The following TBK1 variants were observed in gnomAD, a reference collection of about 807,000 sequenced individuals.
TBK1 encodes the protein TANK binding kinase 1.
TBK1 carries 37 observed loss-of-function variants against 99.9 expected under a neutral mutation model. The observed-to-expected ratio is 0.37, with a 90% confidence interval of 0.28 to 0.49. The LOEUF (loss-of-function observed/expected upper bound fraction) is 0.49, where lower values mean the gene tolerates loss of function less well. Ranked by LOEUF, TBK1 falls within the 20% of genes least tolerant of loss-of-function variation. The pLI, the probability that TBK1 is intolerant of heterozygous loss-of-function variation, is 0.98. For synonymous variants in TBK1, 258 were observed against 279.8 expected (o/e 0.92, Z 0.78); for missense variants, 644 against 872.5 (o/e 0.74, Z 3.30).
chr12:64,455,779 ATTTGTTT>A (rs2040480318), intron 1 of TBK1, 54 bp from the exon 2 acceptor site: 1 of 829,540 alleles, frequency 1.2e-6, no homozygotes. Flanking sequence ...AACAGCTAAC[ATTTGTTT>A]CTTAGCTGTG....
At chr12:64,464,743 C>T (rs989357375) in intron 4 of TBK1, among the ~76,000 whole-genome samples, 21 of 151,884 alleles carry the variant, frequency 1.4e-4, no homozygotes, top group African/African-American at 5.1e-4. Context: ...GACAACTCAA[C>T]AATAAAAAGC....
In TBK1 at chr12:64,486,614, T is replaced by A. The variant is rs953965142; in HGVS notation, c.1340+597T>A. 3.4e-5 allele frequency among the ~76,000 whole-genome samples: 5 copies of A among 146,240 alleles called. No individual in the cohort carries two copies. In the South Asian group the frequency reaches 8.7e-4, roughly 25 times the overall value. On this transcript the variant is annotated intron_variant, in intron 11 of 20. Transcript: ENST00000331710. ...CACACCCAGCTAATTTTTTTTTTTT[T>A]AGTGATGGGGGGTCTAGTTATGTTG...
intron 4 of TBK1, among the ~76,000 whole-genome samples, chr12:64,466,466 T>C (rs551038297): frequency 6.6e-6 from 1 of 152,266 alleles, no homozygotes; most frequent in Non-Finnish European, 1.5e-5. Flanking sequence ...GTTTTACATA[T>C]TGAGTTCAGT....
chr12:64,472,254 A>C (rs1279742965), intron 5 of TBK1, among the ~76,000 whole-genome samples: 53 of 110,888 alleles, frequency 4.8e-4, no homozygotes, highest in Admixed American at 1.0e-3. Flanking sequence ...CATCTCCAGC[A>C]CCCCCCCACC....
At chr12:64,467,387 A>G (rs988950605) in intron 5 of TBK1, among the ~76,000 whole-genome samples, 2 of 152,196 alleles carry the variant, frequency 1.3e-5, no homozygotes. Context: ...AGCTTGTTAT[A>G]ATACTGTTTT....
intron 5 of TBK1, among the ~76,000 whole-genome samples, chr12:64,473,244 C>G (rs1359194457): frequency 2.6e-5 from 4 of 152,028 alleles, no homozygotes; most frequent in Non-Finnish European, 5.9e-5. Context: ...GCTCAGGGCC[C>G]AAGGTAGTTT....
chr12:64,455,715 G>T, intron 1 of TBK1, 125 bp from the exon 2 acceptor site: 1 of 606,986 alleles, frequency 1.6e-6, no homozygotes. Flanking sequence ...ATATTGAACT[G>T]TTTATACACT....
At chr12:64,478,163 G>GT (rs2040734266) in intron 6 of TBK1, among the ~76,000 whole-genome samples, 1 of 151,886 alleles carries the variant, frequency 6.6e-6, no homozygotes. Context: ...TGTTTGTTTT[G>GT]TTTTTTTGAG....
intron 3 of TBK1, 68 bp from the exon 4 acceptor site, chr12:64,464,265 GA>G (rs1265374510): frequency 3.1e-6 from 4 of 1,290,632 alleles, no homozygotes; most frequent in Non-Finnish European, 4.2e-6. Flanking sequence ...AATGAAATCA[GA>G]TAAGTACTGG....
chr12:64,459,236 G>A (rs1196874795), intron 2 of TBK1, among the ~76,000 whole-genome samples: 2 of 152,164 alleles, frequency 1.3e-5, no homozygotes, highest in Non-Finnish European at 2.9e-5. Flanking sequence ...TTGGATAAAT[G>A]GGGGAAAATG....
At chr12:64,497,615 T>TG (rs57408363) in intron 18 of TBK1, 33 bp from the exon 19 acceptor site, 11 of 1,334,552 alleles carry the variant, frequency 8.2e-6, no homozygotes, top group Non-Finnish European at 8.2e-6. Flanking sequence ...AATGTGGGGT[T>TG]TTTTTCTTTT....
At chr12:64,454,890 G>A (rs993760367) in intron 1 of TBK1, among the ~76,000 whole-genome samples, 5 of 150,812 alleles carry the variant, frequency 3.3e-5, no homozygotes, top group Non-Finnish European at 5.9e-5. Flanking sequence ...TGTTATCCAG[G>A]ATGGTCTCAA....
At chr12:64,479,618 T>C (rs1417376104) in intron 6 of TBK1, among the ~76,000 whole-genome samples, 4 of 152,210 alleles carry the variant, frequency 2.6e-5, no homozygotes, top group African/African-American at 9.7e-5. Context: ...GAAACTTTAG[T>C]TGTGCCTTTG....
At chr12:64,495,244 C>A in intron 13 of TBK1, 1 of 339,756 alleles carries the variant, frequency 2.9e-6, no homozygotes, top group Admixed American at 4.6e-5. Context: ...AGGGTGTTTA[C>A]TGAATGAACT....
rs1038465700 is a variant in TBK1 at position 64,463,166 on chromosome 12, T to C, written c.229-1168T>C. Among the ~76,000 whole-genome samples the C allele has an allele frequency of 8.6e-5, 13 of 150,538 alleles. No individual in the cohort carries two copies. In the South Asian group the frequency reaches 1.3e-3, roughly 15 times the overall value. On this transcript the variant is annotated intron_variant, in intron 3 of 20. Coordinates refer to ENST00000331710, the MANE Select transcript of TBK1 (RefSeq NM_013254.4). The stretch of plus-strand genomic sequence containing the variant: ...GTGGGCGGATCACGAGGTCAGGAGA[T>C]CGAGACCATCCTGGCTAACATGGTG...
intron 3 of TBK1, among the ~76,000 whole-genome samples, chr12:64,463,002 A>G (rs2040562697): frequency 2.6e-5 from 4 of 152,192 alleles, no homozygotes. Flanking sequence ...CATTCCTTGA[A>G]GTAACAGTAG....
intron 6 of TBK1, among the ~76,000 whole-genome samples, chr12:64,476,183 A>T (rs1592363879): frequency 1.0e-5 from 1 of 96,790 alleles, no homozygotes; most frequent in Admixed American, 1.6e-4. Context: ...TTTGAGATGG[A>T]GTCTCGCTCT....
At chr12:64,495,818 A>G (rs1195881001) in intron 15 of TBK1, 43 bp downstream of exon 15, 8 of 1,419,316 alleles carry the variant, frequency 5.6e-6, no homozygotes, top group Non-Finnish European at 7.6e-6. Context: ...AATCCCTCTT[A>G]GTAATTAGTT....
intron 13 of TBK1, among the ~76,000 whole-genome samples, chr12:64,494,795 G>T (rs1314429807): frequency 1.3e-5 from 2 of 152,222 alleles, no homozygotes; most frequent in Non-Finnish European, 2.9e-5. Context: ...GCTGACAAGA[G>T]TGTGGTTTAA....
Sources: allele counts gnomAD v4.1 joint callset (sites outside exome capture counted in the v4.1 genomes callset), GRCh38; gene constraint gnomAD v4.1.1; transcripts MANE v1.5; gene names NCBI Gene and HGNC (gene_info 2026-07-23, HGNC 2026-07-21).